Variants in FYN observed in about 807,000 individuals in gnomAD.
FYN encodes the protein FYN proto-oncogene, Src family tyrosine kinase, also known as tyrosine-protein kinase Fyn.
In FYN, 10 loss-of-function variants were observed where a neutral mutation model predicts 70.2. The ratio of observed to expected loss-of-function variants is 0.14; its 90% confidence interval spans 0.09 to 0.24. The LOEUF (loss-of-function observed/expected upper bound fraction) is 0.24. Ranked by LOEUF, FYN falls within the 10% of genes least tolerant of loss-of-function variation. The probability of loss-of-function intolerance (pLI) is 1.00; values close to 1 mark genes in which losing one functional copy is unlikely to be tolerated. For missense variants in FYN, 319 were observed against 673.1 expected (o/e 0.47, Z 5.82); for synonymous variants, 236 against 248.6 (o/e 0.95, Z 0.48).
intron 2 of FYN, among the ~76,000 whole-genome samples, chr6:111,804,011 G>A (rs993924743): frequency 4.6e-5 from 7 of 152,274 alleles, no homozygotes; most frequent in East Asian, 1.9e-4. Context: ...GGTTTCCCAC[G>A]TGCTAATTGA....
chr6:111,813,051 T>C (rs777206324), intron 2 of FYN, among the ~76,000 whole-genome samples: 22 of 152,218 alleles, frequency 1.4e-4, no homozygotes, highest in Non-Finnish European at 2.6e-4. Flanking sequence ...AACTATTGAA[T>C]GAGCATTTAC....
intron 2 of FYN, among the ~76,000 whole-genome samples, chr6:111,842,275 A>C (rs1583487126): frequency 6.6e-6 from 1 of 152,142 alleles, no homozygotes; most frequent in East Asian, 1.9e-4. Flanking sequence ...TGTATCAGGG[A>C]GGGCCTGAGG....
chr6:111,783,188 A>G (rs1771240249), intron 2 of FYN, among the ~76,000 whole-genome samples: 1 of 152,220 alleles, frequency 6.6e-6, no homozygotes, highest in Non-Finnish European at 1.5e-5. Context: ...AAACGAATAG[A>G]GCATAATGAC....
chr6:111,754,116 G>A (rs1026597333), intron 3 of FYN, among the ~76,000 whole-genome samples: 1 of 152,128 alleles, frequency 6.6e-6, no homozygotes, highest in African/African-American at 2.4e-5. Context: ...GACAGAGCCC[G>A]GTCAGAAGGA....
chr6:111,776,765 T>C (rs940914626), intron 3 of FYN, among the ~76,000 whole-genome samples: 1 of 152,290 alleles, frequency 6.6e-6, no homozygotes, highest in South Asian at 2.1e-4. Context: ...GGTAAAGTCT[T>C]TTGCAGTGGG....
At chr6:111,866,502 G>T (rs373431158) in intron 1 of FYN, among the ~76,000 whole-genome samples, 1 of 152,102 alleles carries the variant, frequency 6.6e-6, no homozygotes, top group African/African-American at 2.4e-5. Flanking sequence ...CCACCACACC[G>T]GGCTAATTTT....
chr6:111,773,596 A>AGAGGGGGAGGGAGAGAGGGTG lies in FYN; in HGVS notation c.-12+6969_-12+6970insCACCCTCTCTCCCTCCCCCTC, dbSNP rs1562515425. ...AGAGGGGGAGGGGGAGGGAAAGGGA[A>AGAGGGGGAGGGAGAGAGGGTG]AGGGAGAGAGGGGGAGGGAGAGAGG... On this transcript the variant is annotated intron_variant, in intron 3 of 13. Transcript: ENST00000354650. 2.6e-4 allele frequency among the ~76,000 whole-genome samples: 5 copies of AGAGGGGGAGGGAGAGAGGGTG among 18,990 alleles called. No individual in the cohort carries two copies. In the South Asian group the frequency reaches 0.017, roughly 65 times the overall value. The allele number at this position is 18,990 out of a possible 152,430, so 12.5% of individuals were successfully genotyped here.
intron 3 of FYN, among the ~76,000 whole-genome samples, chr6:111,769,019 C>T (rs1803337144): frequency 6.6e-6 from 1 of 152,174 alleles, no homozygotes; most frequent in African/African-American, 2.4e-5. Context: ...CCAAGCCACT[C>T]ACAACAACAC....
At chr6:111,775,004 C>T (rs1356426779) in intron 3 of FYN, among the ~76,000 whole-genome samples, 1 of 152,182 alleles carries the variant, frequency 6.6e-6, no homozygotes, top group African/African-American at 2.4e-5. Flanking sequence ...CAGGTATGCG[C>T]CACTGCACCC....
intron 3 of FYN, among the ~76,000 whole-genome samples, chr6:111,770,994 G>C (rs1410257216): frequency 2.6e-5 from 4 of 152,146 alleles, no homozygotes; most frequent in Non-Finnish European, 4.4e-5. Context: ...GCTTCAGGCG[G>C]TTAAAGTGTA....
chr6:111,819,630 G>A (rs900747310), intron 2 of FYN, among the ~76,000 whole-genome samples: 1 of 151,696 alleles, frequency 6.6e-6, no homozygotes, highest in South Asian at 2.1e-4. Flanking sequence ...TTTTACAGAC[G>A]CATAGACTGT....
At chr6:111,711,129 C>A (rs1350121537) in intron 5 of FYN, among the ~76,000 whole-genome samples, 1 of 152,180 alleles carries the variant, frequency 6.6e-6, no homozygotes, top group African/African-American at 2.4e-5. Flanking sequence ...GAGCTGGGAG[C>A]CCTAGAGCCT....
At chr6:111,844,934 A>C (rs558083570) in intron 2 of FYN, 2 of 152,392 alleles carry the variant, frequency 1.3e-5, no homozygotes, top group East Asian at 3.9e-4. Context: ...CACTTTACTG[A>C]TAAGAAAAAT....
chr6:111,783,647 T>C (rs532388821), intron 2 of FYN, among the ~76,000 whole-genome samples: 139 of 152,338 alleles, frequency 9.1e-4, no homozygotes, highest in South Asian at 5.6e-3. Context: ...GGTATAAAGT[T>C]AAAATGCTAA....
At chr6:111,714,752 G>A (rs899190759) in intron 4 of FYN, among the ~76,000 whole-genome samples, 6 of 152,200 alleles carry the variant, frequency 3.9e-5, no homozygotes, top group African/African-American at 1.2e-4. Context: ...AAAGGGCAGC[G>A]TCAGCGTCAG....
intron 1 of FYN, among the ~76,000 whole-genome samples, chr6:111,872,621 A>T (rs1402688027): frequency 6.6e-6 from 1 of 152,038 alleles, no homozygotes; most frequent in Non-Finnish European, 1.5e-5. Context: ...CAACACACAC[A>T]GCCCCAGTCC....
At chr6:111,838,261 C>T (rs1250158801) in intron 2 of FYN, among the ~76,000 whole-genome samples, 3 of 152,174 alleles carry the variant, frequency 2.0e-5, no homozygotes, top group Admixed American at 2.0e-4. Context: ...TGAGGACATC[C>T]AGGGACCTCT....
At chr6:111,718,645 C>T (rs1800785437) in intron 4 of FYN, among the ~76,000 whole-genome samples, 1 of 152,110 alleles carries the variant, frequency 6.6e-6, no homozygotes, top group Admixed American at 6.5e-5. Context: ...TCTCCTGCAT[C>T]ATCAGAAGAC....
At chr6:111,815,203 G>T (rs575650136) in intron 2 of FYN, among the ~76,000 whole-genome samples, 1 of 152,166 alleles carries the variant, frequency 6.6e-6, no homozygotes, top group Non-Finnish European at 1.5e-5. Flanking sequence ...GGTCAGCCCA[G>T]CAACACCTCC....
Sources: allele counts gnomAD v4.1 joint callset (sites outside exome capture counted in the v4.1 genomes callset), GRCh38; gene constraint gnomAD v4.1.1; transcripts MANE v1.5; gene names NCBI Gene and HGNC (gene_info 2026-07-23, HGNC 2026-07-21).